Variants in PAK5 observed in about 807,000 individuals in gnomAD.
The protein encoded by PAK5 is serine/threonine-protein kinase PAK 5.
PAK5 carries 16 observed loss-of-function variants against 65.9 expected under a neutral mutation model. The observed-to-expected ratio is 0.24, with a 90% CI of 0.16 to 0.37. The LOEUF is 0.37. PAK5 is among the 10% of genes least tolerant of loss of function. The pLI, the probability that PAK5 is intolerant of heterozygous loss-of-function variation, is 1.00. For synonymous variants in PAK5, 371 were observed against 354.9 expected (o/e 1.05, Z -0.51); for missense variants, 785 against 903.9 (o/e 0.87, Z 1.69).
In PAK5 at chr20:9,584,049, A is replaced by T. The variant is rs532164005; in HGVS notation, c.205-3119T>A. Among the ~76,000 whole-genome samples, 3 of 152,286 alleles carry T rather than the reference A, an allele frequency of 2.0e-5. No individual in the cohort carries two copies. In the East Asian group the frequency reaches 5.8e-4, roughly 29 times the overall value. Reference sequence around the variant, plus strand: ...CATAAATTGATGGATTGATTGCCAAAGTAGGGGATGCTCTGTTGGAGCCTC... The same window carrying T: ...CATAAATTGATGGATTGATTGCCAATGTAGGGGATGCTCTGTTGGAGCCTC... On this transcript the variant is annotated intron_variant, in intron 3 of 9. Coordinates refer to ENST00000353224, the MANE Select transcript of PAK5 (RefSeq NM_177990.4).
intron 2 of PAK5, among the ~76,000 whole-genome samples, chr20:9,678,457 C>T (rs757928544): frequency 2.0e-5 from 3 of 152,162 alleles, no homozygotes; most frequent in Admixed American, 1.3e-4. Flanking sequence ...GTCCCAGCTA[C>T]GCAGGAGGCT....
At chr20:9,732,852 T>A (rs1389355922) in intron 1 of PAK5, among the ~76,000 whole-genome samples, 1 of 152,228 alleles carries the variant, frequency 6.6e-6, no homozygotes, top group Non-Finnish European at 1.5e-5. Flanking sequence ...TTTGTAATTC[T>A]CCCTTATTTG....
chr20:9,781,290 G>C (rs2048937965), intron 1 of PAK5, among the ~76,000 whole-genome samples: 1 of 152,060 alleles, frequency 6.6e-6, no homozygotes, highest in Admixed American at 6.6e-5. Context: ...TCTAAAATAA[G>C]GTATAAAGAA....
intron 1 of PAK5, among the ~76,000 whole-genome samples, chr20:9,813,547 G>A (rs757398382): frequency 2.6e-5 from 4 of 152,000 alleles, no homozygotes; most frequent in Non-Finnish European, 5.9e-5. Context: ...GTTCAGTAAC[G>A]TTCATAGCAG....
Position 9,836,143 on chromosome 20 carries a change from A to G in PAK5, c.-162+2619T>C, listed in dbSNP as rs370125064. Among the ~76,000 whole-genome samples the G allele has an allele frequency of 1.8e-4, 27 of 151,092 alleles. 2 individuals carry two copies. In the South Asian group the frequency reaches 4.8e-3, roughly 27 times the overall value. ...AGGTTAGTTCCCTTAAATAATCTTT[A>G]AAGTATTTTCTGAATCCATGCTACT... is the stretch of plus-strand genomic sequence containing the variant. On this transcript the variant is annotated intron_variant, in intron 1 of 9. Transcript: ENST00000353224.
intron 2 of PAK5, among the ~76,000 whole-genome samples, chr20:9,705,116 A>T (rs2047989388): frequency 6.6e-6 from 1 of 152,236 alleles, no homozygotes; most frequent in Non-Finnish European, 1.5e-5. Context: ...GCTGCAAGGC[A>T]CAGGACAGTA....
At position 9,600,388 on chromosome 20, in the gene PAK5, C is replaced by T. The variant is rs59830576; in HGVS notation, c.205-19458G>A. Among the ~76,000 whole-genome samples the T allele has an allele frequency of 9.8e-3, 1,493 of 152,272 alleles. 24 individuals carry two copies. The highest frequency in any genetic ancestry group is 0.033 in the East Asian group (170 of 5,174). On this transcript the variant is annotated intron_variant, in intron 3 of 9. Transcript: ENST00000353224. ...GGTTTTCCTATTTCTGTAAAAAACA[C>T]TGTTGACATTTAGATAGGGATTGGA...
At position 9,539,038 on chromosome 20, in the gene PAK5, C is replaced by T. The variant is rs1164816082; in HGVS notation, c.*424G>A. 3 of 231,572 alleles carry T rather than the reference C, an allele frequency of 1.3e-5. No homozygotes were observed. Among genetic ancestry groups the T allele is most frequent in the Non-Finnish European group, 2.6e-5 (3 of 117,318 alleles). 14.3% of individuals were successfully genotyped at this position (231,572 alleles called of 1,614,324 possible). On this transcript the variant is annotated 3_prime_UTR_variant, in exon 10 of 10. Transcript: ENST00000353224. ...AAAATTACAAATTCGTTGCAAAATA[C>T]ATTATACTGCTACCATTAAGAAAAA...
rs537561915 is a variant in PAK5 at position 9,613,688 on chromosome 20, G to T, written c.204+30437C>A. On this transcript the variant is annotated intron_variant, in intron 3 of 9. Coordinates refer to ENST00000353224, the MANE Select transcript of PAK5 (RefSeq NM_177990.4). ...TAAACTGTTGGTTTTTAATTTTTTT[G>T]CAGAGCCTAATGGACCTGGAGGAAA... Among the ~76,000 whole-genome samples the T allele has an allele frequency of 2.6e-4, 40 of 152,166 alleles. No individual in the cohort carries two copies. The South Asian group carries it at 6.9e-3, about 26-fold the overall frequency.
At chr20:9,546,783 T>C (rs1437951290) in intron 7 of PAK5, among the ~76,000 whole-genome samples, 1 of 152,182 alleles carries the variant, frequency 6.6e-6, no homozygotes, top group Non-Finnish European at 1.5e-5. Context: ...TAGTTTCAGG[T>C]TGAGTCAGTG....
At chr20:9,773,467 A>G (rs937774906) in intron 1 of PAK5, among the ~76,000 whole-genome samples, 1 of 151,844 alleles carries the variant, frequency 6.6e-6, no homozygotes, top group Non-Finnish European at 1.5e-5. Flanking sequence ...CAATTCTTAG[A>G]CAGTGCATGA....
At chr20:9,674,308 C>T (rs966125004) in intron 2 of PAK5, among the ~76,000 whole-genome samples, 2 of 152,046 alleles carry the variant, frequency 1.3e-5, no homozygotes, top group African/African-American at 4.8e-5. Context: ...TACTAAGATA[C>T]ATAGATTCAA....
intron 4 of PAK5, among the ~76,000 whole-genome samples, chr20:9,571,876 G>GC (rs943495120): frequency 1.1e-4 from 15 of 141,728 alleles, no homozygotes; most frequent in African/African-American, 2.6e-4. Flanking sequence ...ATGAATGATG[G>GC]GGGGGGGGGA....
chr20:9,812,090 A>G (rs1232479389), intron 1 of PAK5, among the ~76,000 whole-genome samples: 1 of 152,184 alleles, frequency 6.6e-6, no homozygotes, highest in Non-Finnish European at 1.5e-5. Flanking sequence ...ACCTTTCACT[A>G]GGTCTTTTCA....
intron 1 of PAK5, among the ~76,000 whole-genome samples, chr20:9,769,896 C>T (rs1336452726): frequency 6.6e-6 from 1 of 152,036 alleles, no homozygotes; most frequent in African/African-American, 2.4e-5. Context: ...AAATATGGTA[C>T]AAAGAAATTA....
At chr20:9,720,612 C>CA (rs1199036110) in intron 1 of PAK5, among the ~76,000 whole-genome samples, 16 of 151,960 alleles carry the variant, frequency 1.1e-4, no homozygotes, top group Middle Eastern at 3.4e-3. Flanking sequence ...GTATATACCC[C>CA]AAAAAACTGA....
At chr20:9,541,030 C>T (rs556998379) in intron 9 of PAK5, among the ~76,000 whole-genome samples, 5 of 152,186 alleles carry the variant, frequency 3.3e-5, no homozygotes, top group Non-Finnish European at 7.3e-5. Flanking sequence ...GCCACCACAC[C>T]CAGCCACTTT....
intron 1 of PAK5, among the ~76,000 whole-genome samples, chr20:9,772,631 A>C (rs2048846533): frequency 6.6e-6 from 1 of 152,250 alleles, no homozygotes; most frequent in African/African-American, 2.4e-5. Flanking sequence ...TTCTCATAGA[A>C]TATTAATAGA....
At chr20:9,546,885 T>C (rs188476151) in intron 7 of PAK5, among the ~76,000 whole-genome samples, 59 of 152,304 alleles carry the variant, frequency 3.9e-4, no homozygotes, top group Non-Finnish European at 5.6e-4. Flanking sequence ...AATCCAGCAT[T>C]TACAAACGTG....
Sources: allele counts gnomAD v4.1 joint callset (sites outside exome capture counted in the v4.1 genomes callset), GRCh38; gene constraint gnomAD v4.1.1; transcripts MANE v1.5; gene names NCBI Gene and HGNC (gene_info 2026-07-23, HGNC 2026-07-21).